Variants in SERPINB1 observed in about 807,000 individuals in gnomAD.
The protein encoded by SERPINB1 is leukocyte elastase inhibitor.
In SERPINB1, 23 loss-of-function variants were observed where a neutral mutation model predicts 25.9. The observed-to-expected ratio is 0.89, with a 90% CI of 0.64 to 1.26. The LOEUF is 1.26. Ranked by LOEUF, SERPINB1 falls within the 50% of genes most tolerant of loss-of-function variation. SERPINB1 has a pLI of 0.00. For missense variants in SERPINB1, 399 were observed against 463.6 expected (o/e 0.86, Z 1.28); for synonymous variants, 178 against 178.7 (o/e 1.00, Z 0.03).
intron 6 of SERPINB1, 26 bp downstream of exon 6, chr6:2,835,830 C>A: frequency 6.3e-7 from 1 of 1,593,184 alleles, no homozygotes; most frequent in Non-Finnish European, 8.6e-7. Flanking sequence ...AGAGGAACCA[C>A]AAAGCATGAA....
chr6:2,833,749 C>T lies in SERPINB1; in HGVS notation c.999G>A (p.Ala333=), dbSNP rs762652942. ...FVEVNEEGTE[A]AAATAGIATF... Reference sequence around the variant, plus strand: ...TTGCGATGCCTGCTGTGGCAGCTGCCGCCTCTGTTCCCTCTTCATTCACTT... The same window carrying T: ...TTGCGATGCCTGCTGTGGCAGCTGCTGCCTCTGTTCCCTCTTCATTCACTT... Residue 333 remains alanine (A), a synonymous_variant, in exon 7 of 7, where the codon GCG becomes GCA. Coordinates refer to ENST00000380739, the MANE Select transcript of SERPINB1 (RefSeq NM_030666.4). 1.5e-5 allele frequency: 24 copies of T among 1,613,976 alleles called. No individual in the cohort carries two copies. The highest frequency in any genetic ancestry group is 1.9e-5 in the Non-Finnish European group (23 of 1,180,008).
rs530987521 is a variant in SERPINB1 at position 2,841,097 on chromosome 6, G to C, written c.-8-503C>G. The C allele has an allele frequency of 1.3e-5, 2 of 152,200 alleles. No individual in the cohort carries two copies. Among genetic ancestry groups the C allele is most frequent in the African/African-American group, 4.8e-5 (2 of 41,418 alleles). 9.4% of individuals were successfully genotyped at this position (152,200 alleles called of 1,614,324 possible). ...TACTATGCATTAAAACTCCAGCAAA[G>C]GTATCACTGTAATTATTATAATAAT... On this transcript the variant is annotated intron_variant, in intron 1 of 6. Coordinates refer to ENST00000380739, the MANE Select transcript of SERPINB1 (RefSeq NM_030666.4). This position sits in a 1 kb window ranked among gnomAD's most constrained non-coding sequence, Gnocchi z 4.5.
rs764392311 is a variant in SERPINB1 at position 2,835,982 on chromosome 6, T to G, written c.609A>C (p.Lys203Asn). 4 of 1,614,032 alleles carry G rather than the reference T, an allele frequency of 2.5e-6. No individual in the cohort carries two copies. In the East Asian group the frequency reaches 6.7e-5, roughly 27 times the overall value. Reference protein sequence around the residue: ...KTVKMMYQKKKFAYGYIEDLK... With the variant: ...KTVKMMYQKKNFAYGYIEDLK... The stretch of plus-strand genomic sequence containing the variant: ...GGTCCTCGATGTAGCCATATGCAAA[T>G]TTTTTCTTCTGATACATCATTTTCA... The change falls in exon 6 of 7, where the codon AAA (lysine) becomes AAC (asparagine). Residue 203 changes from lysine (K) to asparagine (N), a missense_variant. Physicochemically the swap from Lys to Asn is moderately conservative, Grantham distance 94. Coordinates refer to ENST00000380739, the MANE Select transcript of SERPINB1 (RefSeq NM_030666.4).
In SERPINB1 at chr6:2,837,795, A is replaced by T; in HGVS notation, c.424+87T>A. The T allele has an allele frequency of 1.1e-6, 1 of 951,564 alleles. No homozygotes were observed. The highest frequency in any genetic ancestry group is 1.7e-6 in the Non-Finnish European group (1 of 585,894). The allele number at this position is 951,564 out of a possible 1,614,324, so 58.9% of individuals were successfully genotyped here. ...TGCGCCAGGACTGTGGGAGCTGGGG[A>T]GGGAATAACTGCAGGTAGGGAAGGC... On this transcript the variant is annotated intron_variant, in intron 4 of 6. Transcript: ENST00000380739. This position sits in a 1 kb window ranked among gnomAD's most constrained non-coding sequence, Gnocchi z 4.3.
intron 6 of SERPINB1, 89 bp downstream of exon 6, chr6:2,835,767 A>G: frequency 7.3e-7 from 1 of 1,377,938 alleles, no homozygotes; most frequent in Non-Finnish European, 9.9e-7. Flanking sequence ...TGGAAAATGC[A>G]CCATCAGTGA....
At chr6:2,834,158 C>T in intron 6 of SERPINB1, 146 bp from the exon 7 acceptor site, 2 of 757,532 alleles carry the variant, frequency 2.6e-6, no homozygotes, top group Non-Finnish European at 4.1e-6. Context: ...CCATTTGGAG[C>T]ATTTTATTTC....
In SERPINB1 at chr6:2,833,745, C is replaced by A. The variant is rs1170208014; in HGVS notation, c.1003G>T (p.Ala335Ser). The A allele has an allele frequency of 2.5e-6, 4 of 1,613,566 alleles. No individual in the cohort carries two copies. The highest frequency in any genetic ancestry group is 1.3e-5 in the African/African-American group (1 of 74,928). The change falls in exon 7 of 7, where the codon GCT (alanine) becomes TCT (serine). Residue 335 changes from alanine (A) to serine (S), a missense_variant. Physicochemically the swap from Ala to Ser is moderately conservative, Grantham distance 99. Coordinates refer to ENST00000380739, the MANE Select transcript of SERPINB1 (RefSeq NM_030666.4). ...AAAGTTGCGATGCCTGCTGTGGCAG[C>A]TGCCGCCTCTGTTCCCTCTTCATTC... ...EVNEEGTEAAAATAGIATFCM... is the reference protein window; with the variant it reads ...EVNEEGTEAASATAGIATFCM...
chr6:2,836,083 ACT>A (rs1766484612), intron 5 of SERPINB1, 23 bp downstream of exon 5: 3 of 1,613,972 alleles, frequency 1.9e-6, no homozygotes, highest in Non-Finnish European at 2.5e-6. Context: ...GCAATGCATG[ACT>A]CTGTACAGTT....
In SERPINB1 at chr6:2,837,945, A is replaced by C. The variant is rs1766541740; in HGVS notation, c.361T>G (p.Phe121Val). Reference protein sequence around the residue: ...TYGADLASVDFQHASEDARKT... With the variant: ...TYGADLASVDVQHASEDARKT... Reference sequence around the variant, plus strand: ...CTTGCATCTTCAGAGGCATGCTGAAAATCCACACTGGCCAGGTCAGCACCA... The same window carrying C: ...CTTGCATCTTCAGAGGCATGCTGAACATCCACACTGGCCAGGTCAGCACCA... The change falls in exon 4 of 7, where the codon TTT becomes GTT. Residue 121 changes from phenylalanine (F) to valine (V), a missense_variant. Physicochemically the swap from Phe to Val is conservative, Grantham distance 50 (BLOSUM62 -1). Coordinates refer to ENST00000380739, the MANE Select transcript of SERPINB1 (RefSeq NM_030666.4). This position sits in a 1 kb window ranked among gnomAD's most constrained non-coding sequence, Gnocchi z 4.3. The C allele has an allele frequency of 6.2e-7, 1 of 1,614,030 alleles. No individual in the cohort carries two copies. Among genetic ancestry groups the C allele is most frequent in the Non-Finnish European group, 8.5e-7 (1 of 1,180,032 alleles).
rs772164233 is a variant in SERPINB1 at position 2,837,833 on chromosome 6, C to T, written c.424+49G>A. On this transcript the variant is annotated intron_variant, in intron 4 of 6. Coordinates refer to ENST00000380739, the MANE Select transcript of SERPINB1 (RefSeq NM_030666.4). This position sits in a 1 kb window ranked among gnomAD's most constrained non-coding sequence, Gnocchi z 4.3. Reference sequence around the variant, plus strand: ...AGGTAGGGAAGGCGGACTGAGGAAACGAATGACATGACCAGCGCATAATGA... The same window carrying T: ...AGGTAGGGAAGGCGGACTGAGGAAATGAATGACATGACCAGCGCATAATGA... The T allele has an allele frequency of 2.8e-5, 39 of 1,376,842 alleles. No homozygotes were observed. Among genetic ancestry groups the T allele is most frequent in the Non-Finnish European group, 3.6e-5 (35 of 965,552 alleles). The allele number at this position is 1,376,842 out of a possible 1,614,324, so 85.3% of individuals were successfully genotyped here. A position where few individuals can be genotyped will look rare whatever the true frequency, so the allele number is the denominator to read the frequency against.
rs747164427 is a variant in SERPINB1, at chr6:2,833,889, C to T, written c.859G>A (p.Asp287Asn). 6.2e-6 allele frequency: 10 copies of T among 1,614,002 alleles called. No individual in the cohort carries two copies. Among genetic ancestry groups the T allele is most frequent in the African/African-American group, 5.3e-5 (4 of 74,912 alleles). The part of the protein sequence containing the change: ...KLEESYTLNS[D>N]LARLGVQDLF... ...TCCTGCACACCTAGGCGGGCGAGGT[C>T]GGAGTTGAGAGTGTAACTCTCTTCC... Residue 287 changes from aspartate (D) to asparagine (N), a missense_variant, in exon 7 of 7, where the codon GAC becomes AAC. Physicochemically the swap from Asp to Asn is conservative, Grantham distance 23. Transcript: ENST00000380739.
chr6:2,835,962 T>C lies in SERPINB1; in HGVS notation c.629A>G (p.Glu210Gly). ...TTCCAGCACACGGCACTTAAGGTCC[T>C]CGATGTAGCCATATGCAAATTTTTT... ...QKKKFAYGYIEDLKCRVLELP... is the reference protein window; with the variant it reads ...QKKKFAYGYIGDLKCRVLELP... The change falls in exon 6 of 7, where the codon GAG becomes GGG. Residue 210 changes from glutamate to glycine, a missense_variant. By Grantham distance (98) the Glu-to-Gly change is moderately conservative. Coordinates refer to ENST00000380739, the MANE Select transcript of SERPINB1 (RefSeq NM_030666.4). 6.2e-7 allele frequency: 1 copy of C among 1,614,214 alleles called. No individual in the cohort carries two copies. Among genetic ancestry groups the C allele is most frequent in the South Asian group, 1.1e-5 (1 of 91,082 alleles).
rs750780839 is a variant in SERPINB1 at position 2,833,882 on chromosome 6, G to A, written c.866C>T (p.Ala289Val). ...EESYTLNSDLARLGVQDLFNS... is the reference protein window; with the variant it reads ...EESYTLNSDLVRLGVQDLFNS... ...AAAGAGATCCTGCACACCTAGGCGG[G>A]CGAGGTCGGAGTTGAGAGTGTAACT... The change falls in exon 7 of 7, where the codon GCC becomes GTC. Residue 289 changes from alanine to valine, a missense_variant. Ala to Val is a moderately conservative substitution (Grantham distance 64). Coordinates refer to ENST00000380739, the MANE Select transcript of SERPINB1 (RefSeq NM_030666.4). 16 of 1,614,184 alleles carry A rather than the reference G, an allele frequency of 9.9e-6. 1 individual carries two copies. The South Asian group carries it at 1.3e-4, about 13-fold the overall frequency.
At chr6:2,834,533 TCATCCACC>T (rs1235405886) in intron 6 of SERPINB1, among the ~76,000 whole-genome samples, 1 of 151,180 alleles carries the variant, frequency 6.6e-6, no homozygotes, top group Non-Finnish European at 1.5e-5. Context: ...ACCCATTTAC[TCATCCACC>T]CATCCACCCA....
intron 4 of SERPINB1, among the ~76,000 whole-genome samples, chr6:2,836,723 C>T (rs1048492050): frequency 1.5e-5 from 2 of 131,394 alleles, no homozygotes; most frequent in Non-Finnish European, 3.4e-5. Flanking sequence ...AGCATGGTGG[C>T]GCACACCTGC....
At position 2,840,454 on chromosome 6, in the gene SERPINB1, C is replaced by T. The variant is rs1766614540; in HGVS notation, c.133G>A (p.Gly45Arg). ...TGTGCTGCCGTGTTACCTCTGGTCC[C>T]CAGAAAAACCATGGCCATAGCAGAT... ...ISSAMAMVFL[G>R]TRGNTAAQLS... is the part of the protein sequence containing the mutation. Residue 45 changes from glycine (G) to arginine (R), a missense_variant, in exon 2 of 7, where the codon GGG (glycine) becomes AGG (arginine). Coordinates refer to ENST00000380739, the MANE Select transcript of SERPINB1 (RefSeq NM_030666.4). 6.2e-7 allele frequency: 1 copy of T among 1,614,034 alleles called. No individual in the cohort carries two copies. Among genetic ancestry groups the T allele is most frequent in the Non-Finnish European group, 8.5e-7 (1 of 1,180,004 alleles).
intron 2 of SERPINB1, among the ~76,000 whole-genome samples, chr6:2,839,044 T>A (rs984284105): frequency 3.7e-4 from 57 of 152,218 alleles, no homozygotes; most frequent in African/African-American, 1.3e-3. Context: ...CAAATATAAT[T>A]TTACTGAAAG....
chr6:2,839,354 A>C (rs1247436490), intron 2 of SERPINB1: 1 of 985,178 alleles, frequency 1.0e-6, no homozygotes, highest in Non-Finnish European at 1.2e-6. Context: ...GAATGTTTGC[A>C]CTGTGCCTAT....
rs1042756588 is a variant in SERPINB1 at position 2,835,836 on chromosome 6, A to C, written c.735+20T>G. 6.3e-7 allele frequency: 1 copy of C among 1,599,458 alleles called. No homozygotes were observed. The highest frequency in any genetic ancestry group is 1.3e-5 in the African/African-American group (1 of 74,232). On this transcript the variant is annotated intron_variant, in intron 6 of 6. Transcript: ENST00000380739. Reference sequence around the variant, plus strand: ...ACACATGCAAGAGGAACCACAAAGCATGAAGCCCAGGAGCCATACCTTCTT... The same window carrying C: ...ACACATGCAAGAGGAACCACAAAGCCTGAAGCCCAGGAGCCATACCTTCTT...
Sources: allele counts gnomAD v4.1 joint callset (sites outside exome capture counted in the v4.1 genomes callset), GRCh38; gene constraint gnomAD v4.1.1; non-coding constraint Gnocchi (gnomAD v3.1); transcripts MANE v1.5; gene names NCBI Gene and HGNC (gene_info 2026-07-23, HGNC 2026-07-21).